The following MYO18B variants were observed in gnomAD, a reference collection of about 807,000 sequenced individuals.
MYO18B encodes myosin XVIIIB.
A neutral mutation model predicts 273.0 loss-of-function variants in MYO18B; 204 were observed. The observed-to-expected ratio is 0.75, with a 90% CI of 0.67 to 0.84. MYO18B has a LOEUF of 0.84. MYO18B is among the 40% of genes least tolerant of loss of function. MYO18B has a pLI of 0.00. For missense variants in MYO18B, 3,212 were observed against 3,287.6 expected (o/e 0.98, Z 0.56); for synonymous variants, 1,330 against 1,305.7 (o/e 1.02, Z -0.40).
chr22:25,874,908 A>C (rs983864043), intron 23 of MYO18B, among the ~76,000 whole-genome samples: 2 of 152,208 alleles, frequency 1.3e-5, no homozygotes, highest in African/African-American at 4.8e-5. Context: ...TCTACCTCTT[A>C]GTAGCTGGGT....
chr22:25,903,620 T>G lies in MYO18B; in HGVS notation c.4948-11T>G. On this transcript the variant is annotated splice_polypyrimidine_tract_variant and intron_variant, in intron 30 of 43. Transcript: ENST00000335473. ...TGTGACTCCAGATCTCTGTCCTCTT[T>G]GTCTCTGTAGCAAAAGGAGCAGGAA... The G allele has an allele frequency of 1.3e-6, 2 of 1,593,152 alleles. No homozygotes were observed.
At chr22:26,058,092 G>A in the MYO18B span, among the ~76,000 whole-genome samples, 2 of 152,184 alleles carry the variant, frequency 1.3e-5, no homozygotes, top group African/African-American at 4.8e-5. Context: ...TCCTCAAGAT[G>A]ATGTAAAACA....
chr22:25,765,935 C>T (rs531909711), intron 3 of MYO18B, among the ~76,000 whole-genome samples: 5 of 152,302 alleles, frequency 3.3e-5, no homozygotes, highest in South Asian at 2.1e-4. Context: ...AAGGCTATGT[C>T]CTGCCTTCCC....
intron 37 of MYO18B, 86 bp from the exon 38 acceptor site, chr22:25,952,200 C>A: frequency 6.1e-6 from 9 of 1,474,146 alleles, no homozygotes; most frequent in Middle Eastern, 2.4e-4. Context: ...ATAGCTCCTC[C>A]CACCCTCCCA....
intron 39 of MYO18B, among the ~76,000 whole-genome samples, chr22:25,960,990 G>T (rs997348992): frequency 6.6e-6 from 1 of 151,808 alleles, no homozygotes; most frequent in African/African-American, 2.4e-5. Context: ...CTCTATGAAA[G>T]AGAAAGAGAG....
chr22:25,820,449 T>C (rs544830676), intron 12 of MYO18B, among the ~76,000 whole-genome samples: 2 of 152,296 alleles, frequency 1.3e-5, no homozygotes, highest in Non-Finnish European at 2.9e-5. Context: ...TTCTGATTGA[T>C]TGAAAAATCC....
At chr22:25,872,558 G>GTAAT (rs1474421432) in intron 22 of MYO18B, among the ~76,000 whole-genome samples, 1 of 152,224 alleles carries the variant, frequency 6.6e-6, no homozygotes, top group African/African-American at 2.4e-5. Flanking sequence ...GTAGATGCAT[G>GTAAT]TAATGTTCAT....
At chr22:25,869,957 T>C (rs1315881416) in intron 22 of MYO18B, among the ~76,000 whole-genome samples, 1 of 152,246 alleles carries the variant, frequency 6.6e-6, no homozygotes, top group Admixed American at 6.5e-5. Context: ...TGTCAGTTAC[T>C]GGACTCCCAC....
Position 25,823,603 on chromosome 22 carries a change from C to T in MYO18B, c.2620C>T (p.His874Tyr), listed in dbSNP as rs372411995. ...GCTGAACACGGCCACCTTCAAGCAC[C>T]ACCTTCGACAGATCATCCAGCAAAT... ...EELNTATFKHHLRQIIQQMTF... is the reference protein window; with the variant it reads ...EELNTATFKHYLRQIIQQMTF... The change falls in exon 13 of 44, where the codon CAC becomes TAC. Residue 874 changes from histidine to tyrosine, a missense_variant. Physicochemically the swap from His to Tyr is moderately conservative, Grantham distance 83. Transcript: ENST00000335473. The T allele has an allele frequency of 3.3e-5, 54 of 1,613,860 alleles. No individual in the cohort carries two copies. Among genetic ancestry groups the T allele is most frequent in the Non-Finnish European group, 4.2e-5 (50 of 1,179,892 alleles).
intron 36 of MYO18B, among the ~76,000 whole-genome samples, chr22:25,948,459 C>CTTTCT (rs2092748160): frequency 2.8e-4 from 19 of 67,722 alleles, no homozygotes; most frequent in African/African-American, 9.1e-4. Context: ...TCCTTCCTTC[C>CTTTCT]TTCTTTCTTT....
chr22:25,817,963 G>GA (rs2089110863), intron 12 of MYO18B, among the ~76,000 whole-genome samples: 1 of 152,182 alleles, frequency 6.6e-6, no homozygotes, highest in Non-Finnish European at 1.5e-5. Context: ...GTGAGGAAGG[G>GA]AAATGGGGTA....
rs188177221 is a variant in MYO18B, at chr22:25,859,633, T to A, written c.3885+8054T>A. Among the ~76,000 whole-genome samples, 121 of 151,100 alleles carry A rather than the reference T, an allele frequency of 8.0e-4. 1 individual carries two copies. Among genetic ancestry groups the A allele is most frequent in the African/African-American group, 2.9e-3 (118 of 41,338 alleles). On this transcript the variant is annotated intron_variant, in intron 21 of 43. Transcript: ENST00000335473. ...TGCATTTTCCCTAATGATGTTGACT[T>A]TTTTTTTTGCATGTGCCTAGTAGCC... is the stretch of plus-strand genomic sequence containing the variant.
At position 25,903,705 on chromosome 22, in the gene MYO18B, G is replaced by A. The variant is rs781741802; in HGVS notation, c.5022G>A (p.Gly1674=). The A allele has an allele frequency of 6.2e-7, 1 of 1,609,446 alleles. No homozygotes were observed. The highest frequency in any genetic ancestry group is 1.1e-5 in the South Asian group (1 of 89,736). ...AGGACCATAAACGGGAGCTGCTGGG[G>A]TCACCCTCTCTGGGGGAAAATTGCG... is the stretch of plus-strand genomic sequence containing the variant. ...MLQDHKRELL[G]SPSLGENCVA... The change falls in exon 31 of 44, where the codon GGG becomes GGA. Residue 1674 remains glycine, a synonymous_variant. Transcript: ENST00000335473.
rs192836196 is a variant in MYO18B at position 25,799,682 on chromosome 22, C to T, written c.2521+1585C>T. ...ATCCTTTCCGTCATCCCCACATTCC[C>T]GGGCCCTGTGGCCTATTCCTTTGAT... On this transcript the variant is annotated intron_variant, in intron 12 of 43. Coordinates refer to ENST00000335473, the MANE Select transcript of MYO18B (RefSeq NM_032608.7). 1.3e-4 allele frequency among the ~76,000 whole-genome samples: 20 copies of T among 152,306 alleles called. No homozygotes were observed. In the South Asian group the frequency reaches 1.5e-3, roughly 11 times the overall value.
chr22:25,753,585 G>C (rs1264438783), intron 1 of MYO18B, among the ~76,000 whole-genome samples: 1 of 152,178 alleles, frequency 6.6e-6, no homozygotes, highest in Non-Finnish European at 1.5e-5. Context: ...CTTGCTGCTG[G>C]TCGATTGTTG....
intron 12 of MYO18B, among the ~76,000 whole-genome samples, chr22:25,817,820 T>C (rs767629741): frequency 2.6e-5 from 4 of 152,180 alleles, no homozygotes; most frequent in Non-Finnish European, 4.4e-5. Flanking sequence ...GATACAATAT[T>C]CATTTATTTC....
the MYO18B span, among the ~76,000 whole-genome samples, chr22:26,051,216 C>CTTTTT: frequency 6.2e-4 from 57 of 92,602 alleles, no homozygotes; most frequent in African/African-American, 8.2e-4. Context: ...TAATTGGTCC[C>CTTTTT]TTTTTTTTTT....
At chr22:25,783,792 G>C (rs187660142) in intron 10 of MYO18B, among the ~76,000 whole-genome samples, 6 of 152,342 alleles carry the variant, frequency 3.9e-5, no homozygotes, top group Admixed American at 3.9e-4. Context: ...GAGAGGAAGA[G>C]GTGGCCCAGA....
chr22:25,810,433 A>ATTTT (rs369429871), intron 12 of MYO18B, among the ~76,000 whole-genome samples: 2 of 96,880 alleles, frequency 2.1e-5, no homozygotes, highest in African/African-American at 4.1e-5. Context: ...ATAGGCTATA[A>ATTTT]TTTTTTTTTT....
Sources: gnomAD v4.1 joint callset for allele counts (sites outside exome capture counted in the v4.1 genomes callset) on GRCh38, gnomAD v4.1.1 for gene constraint, MANE v1.5 for transcripts, NCBI Gene and HGNC (gene_info 2026-07-23, HGNC 2026-07-21) for gene names.